The following LRRC37A2 variants were observed in gnomAD, a reference collection of about 807,000 sequenced individuals.
LRRC37A2 encodes leucine-rich repeat-containing protein 37A2.
In LRRC37A2, 9 loss-of-function variants were observed where a neutral mutation model predicts 68.8. That is an observed-to-expected ratio of 0.13 (90% CI 0.08 to 0.23). The LOEUF (loss-of-function observed/expected upper bound fraction) is 0.23, where lower values mean the gene tolerates loss of function less well. Among genes scored for constraint, LRRC37A2 ranks in the 10% least tolerant of loss-of-function variants. The pLI is 1.00. For synonymous variants in LRRC37A2, 63 were observed against 367.6 expected (o/e 0.17, Z 9.48); for missense variants, 168 against 950.4 (o/e 0.18, Z 10.82).
the LRRC37A2 span, among the ~76,000 whole-genome samples, chr17:46,745,563 G>C: frequency 6.6e-6 from 1 of 152,200 alleles, no homozygotes; most frequent in African/African-American, 2.4e-5. Flanking sequence ...TTAAAAGTCC[G>C]GCTTTCTGGA....
At chr17:46,922,133 C>T in the LRRC37A2 span, among the ~76,000 whole-genome samples, 1 of 152,182 alleles carries the variant, frequency 6.6e-6, no homozygotes, top group Non-Finnish European at 1.5e-5. Context: ...CATATATACA[C>T]CATGGAATAC....
intron 6 of LRRC37A2, chr17:46,528,722 C>G (rs866425488): frequency 1.5e-5 from 10 of 664,366 alleles, no homozygotes; most frequent in Middle Eastern, 7.9e-4. Context: ...GAGACTTCAT[C>G]TCAAAAAAAA....
chr17:46,771,032 T>G, the LRRC37A2 span, among the ~76,000 whole-genome samples: 2 of 152,094 alleles, frequency 1.3e-5, no homozygotes, highest in Non-Finnish European at 2.9e-5. Context: ...GTGACCAAAT[T>G]TATTTAGAAG....
chr17:46,699,402 G>GACACACACACACACACACAC, the LRRC37A2 span, among the ~76,000 whole-genome samples: 1 of 148,216 alleles, frequency 6.7e-6, no homozygotes, highest in African/African-American at 2.5e-5. Flanking sequence ...ATAAACTGAG[G>GACACACACACACACACACAC]ACACACACAC....
At chr17:47,008,514 A>C in the LRRC37A2 span, among the ~76,000 whole-genome samples, 1 of 150,712 alleles carries the variant, frequency 6.6e-6, no homozygotes, top group Non-Finnish European at 1.5e-5. Context: ...GCTGGAGTGC[A>C]GTAGCACAAT....
chr17:46,822,578 C>T, the LRRC37A2 span, among the ~76,000 whole-genome samples: 2 of 152,238 alleles, frequency 1.3e-5, no homozygotes, highest in Non-Finnish European at 2.9e-5. Context: ...TCCCACTCCG[C>T]TCCCTGCGGG....
the LRRC37A2 span, among the ~76,000 whole-genome samples, chr17:46,844,115 G>A: frequency 3.3e-5 from 5 of 151,936 alleles, no homozygotes; most frequent in African/African-American, 7.3e-5. Context: ...CACAATGCCT[G>A]GCTAATTTTT....
At chr17:46,726,908 T>C in the LRRC37A2 span, among the ~76,000 whole-genome samples, 1 of 152,186 alleles carries the variant, frequency 6.6e-6, no homozygotes, top group Non-Finnish European at 1.5e-5. Flanking sequence ...GTAATTTTCA[T>C]TGATGAGTAT....
chr17:46,492,945 C>T, the LRRC37A2 span, among the ~76,000 whole-genome samples: 6 of 149,436 alleles, frequency 4.0e-5, no homozygotes, highest in Non-Finnish European at 5.9e-5. Flanking sequence ...CCGCCCGCCT[C>T]GGCCTCCCAA....
the LRRC37A2 span, among the ~76,000 whole-genome samples, chr17:46,947,681 C>T: frequency 6.6e-6 from 1 of 152,160 alleles, no homozygotes; most frequent in South Asian, 2.1e-4. Context: ...CAAACCTCAG[C>T]GTCCTGTCTG....
chr17:47,038,184 T>C, the LRRC37A2 span, among the ~76,000 whole-genome samples: 138 of 152,236 alleles, frequency 9.1e-4, no homozygotes, highest in African/African-American at 2.8e-3. Flanking sequence ...CACACGCCTG[T>C]AGTCACAGCT....
chr17:46,787,655 G>A, the LRRC37A2 span, among the ~76,000 whole-genome samples: 1 of 152,198 alleles, frequency 6.6e-6, no homozygotes, highest in Admixed American at 6.5e-5. Context: ...TGCCCAAGAT[G>A]TATGAGATGT....
the LRRC37A2 span, among the ~76,000 whole-genome samples, chr17:47,034,463 C>G: frequency 6.6e-6 from 1 of 151,954 alleles, no homozygotes; most frequent in African/African-American, 2.4e-5. Flanking sequence ...TAATGCTGAG[C>G]TCAAGGCTAT....
the LRRC37A2 span, among the ~76,000 whole-genome samples, chr17:46,903,893 T>C: frequency 6.6e-6 from 1 of 150,792 alleles, no homozygotes; most frequent in Non-Finnish European, 1.5e-5. Context: ...GATGGATGAA[T>C]GGGTGGCTGT....
At chr17:46,987,225 AGAGT>A in the LRRC37A2 span, among the ~76,000 whole-genome samples, 1 of 152,120 alleles carries the variant, frequency 6.6e-6, no homozygotes, top group African/African-American at 2.4e-5. Context: ...CCTGGGCAAC[AGAGT>A]GAGACTCCAT....
intron 8 of LRRC37A2, among the ~76,000 whole-genome samples, chr17:46,541,846 G>A (rs1238671501): frequency 1.1e-4 from 16 of 150,806 alleles, no homozygotes; most frequent in African/African-American, 7.5e-5. Context: ...CAGCATCTGT[G>A]GACTTTGGTA....
the LRRC37A2 span, among the ~76,000 whole-genome samples, chr17:47,020,002 G>A: frequency 6.8e-6 from 1 of 147,510 alleles, no homozygotes; most frequent in African/African-American, 2.6e-5. Context: ...TTTTACTCTG[G>A]TCTTTTACTC....
At chr17:46,906,923 T>C in the LRRC37A2 span, among the ~76,000 whole-genome samples, 4 of 152,320 alleles carry the variant, frequency 2.6e-5, no homozygotes, top group East Asian at 1.9e-4. Context: ...TGGAGCTCAC[T>C]AACCAGGTAC....
At chr17:46,789,411 A>G in the LRRC37A2 span, among the ~76,000 whole-genome samples, 1 of 152,158 alleles carries the variant, frequency 6.6e-6, no homozygotes, top group African/African-American at 2.4e-5. Context: ...AGGCTCCAAC[A>G]CCAGCGTGGC....
Sources: allele counts gnomAD v4.1 joint callset (sites outside exome capture counted in the v4.1 genomes callset), GRCh38; gene constraint gnomAD v4.1.1; transcripts MANE v1.5; gene names NCBI Gene and HGNC (gene_info 2026-07-23, HGNC 2026-07-21).